The following MED13L variants were observed in gnomAD, a reference collection of about 807,000 sequenced individuals.
MED13L encodes mediator of RNA polymerase II transcription subunit 13-like.
A neutral mutation model predicts 220.9 loss-of-function variants in MED13L; 7 were observed. That is an observed-to-expected ratio of 0.03 (90% confidence interval 0.02 to 0.06). The LOEUF (loss-of-function observed/expected upper bound fraction) is 0.06, where lower values mean the gene tolerates loss of function less well. Among genes scored for constraint, MED13L ranks in the 10% least tolerant of loss-of-function variants. The pLI, the probability that MED13L is intolerant of heterozygous loss-of-function variation, is 1.00. For missense variants in MED13L, 1,965 were observed against 2,760.5 expected (o/e 0.71, Z 6.46); for synonymous variants, 1,011 against 1,015.2 (o/e 1.00, Z 0.08).
intron 1 of MED13L, among the ~76,000 whole-genome samples, chr12:116,274,883 C>A (rs1873683645): frequency 6.6e-6 from 1 of 151,714 alleles, no homozygotes; most frequent in East Asian, 1.9e-4. Flanking sequence ...CAAACACAAA[C>A]CTTTAGTCAT....
chr12:116,233,091 A>G (rs769585393), intron 2 of MED13L, among the ~76,000 whole-genome samples: 42 of 115,948 alleles, frequency 3.6e-4, no homozygotes, highest in Non-Finnish European at 5.3e-4. Context: ...TGTCTAAAGG[A>G]AAAAAAAAAA....
At chr12:116,010,119 C>A (rs760372755) in intron 9 of MED13L, among the ~76,000 whole-genome samples, 1 of 152,106 alleles carries the variant, frequency 6.6e-6, no homozygotes, top group Admixed American at 6.5e-5. Flanking sequence ...GGATGGCTGC[C>A]CTGCTCCATA....
intron 2 of MED13L, among the ~76,000 whole-genome samples, chr12:116,232,701 G>GCT (rs1365664756): frequency 3.9e-5 from 6 of 152,182 alleles, no homozygotes; most frequent in Non-Finnish European, 7.3e-5. Context: ...TTCTGTGCTT[G>GCT]CTCTCTGTAC....
chr12:115,969,176 CTA>C (rs1349100333), intron 27 of MED13L, 79 bp from the exon 28 acceptor site: 1 of 1,487,686 alleles, frequency 6.7e-7, no homozygotes, highest in Non-Finnish European at 9.2e-7. Flanking sequence ...CCAACCTAAC[CTA>C]TGTCATGTTT....
At chr12:116,010,961 C>G (rs1226665928) in intron 9 of MED13L, among the ~76,000 whole-genome samples, 2 of 151,540 alleles carry the variant, frequency 1.3e-5, no homozygotes, top group Non-Finnish European at 2.9e-5. Context: ...ACTGCAACCT[C>G]CGCCTCCCGG....
chr12:115,977,823 C>T (rs1228666276), intron 23 of MED13L, among the ~76,000 whole-genome samples: 1 of 151,962 alleles, frequency 6.6e-6, no homozygotes, highest in Admixed American at 6.6e-5. Flanking sequence ...ATAGCAAAAC[C>T]CCTATCAAAA....
chr12:115,972,250 T>C lies in MED13L; in HGVS notation c.5732-14A>G, dbSNP rs1461468652. The C allele has an allele frequency of 2.5e-6, 4 of 1,612,004 alleles. No homozygotes were observed. Among genetic ancestry groups the C allele is most frequent in the South Asian group, 1.1e-5 (1 of 91,056 alleles). ...GGATACTCCAATCTGAAATCAAATA[T>C]CGCAGTCATACACAGTCTTTAGAAA... On this transcript the variant is annotated splice_polypyrimidine_tract_variant and intron_variant, in intron 25 of 30. Coordinates refer to ENST00000281928, the MANE Select transcript of MED13L (RefSeq NM_015335.5).
chr12:116,122,704 A>C (rs982098471), intron 2 of MED13L, among the ~76,000 whole-genome samples: 2 of 152,200 alleles, frequency 1.3e-5, no homozygotes, highest in Admixed American at 1.3e-4. Context: ...AAATTTTAAC[A>C]GTGTACTATC....
At chr12:115,994,380 G>T (rs927551241) in intron 16 of MED13L, among the ~76,000 whole-genome samples, 65 of 152,228 alleles carry the variant, frequency 4.3e-4, no homozygotes, top group Non-Finnish European at 4.4e-4. Flanking sequence ...AGCCCAGGAG[G>T]TCAAGGCTGC....
intron 16 of MED13L, among the ~76,000 whole-genome samples, chr12:115,994,086 C>T (rs937505509): frequency 1.4e-4 from 22 of 152,150 alleles, no homozygotes; most frequent in African/African-American, 5.3e-4. Context: ...TCTCACTAGC[C>T]ACATTTCAAG....
intron 2 of MED13L, among the ~76,000 whole-genome samples, chr12:116,195,925 G>A (rs1881598211): frequency 1.3e-5 from 2 of 152,022 alleles, no homozygotes; most frequent in Admixed American, 1.3e-4. Flanking sequence ...CTGAGTAAGA[G>A]ATAAAATGTA....
In MED13L at chr12:115,983,420, T is replaced by C. The variant is rs777802661; in HGVS notation, c.4652A>G (p.Asn1551Ser). The C allele has an allele frequency of 6.2e-7, 1 of 1,614,162 alleles. No individual in the cohort carries two copies. Among genetic ancestry groups the C allele is most frequent in the Non-Finnish European group, 8.5e-7 (1 of 1,180,010 alleles). ...TPGNAGPLAP[N>S]GSAAPPAGSA... Reference sequence around the variant, plus strand: ...GCCAGCTGGGGGAGCTGCTGATCCATTTGGAGCTAAGGGCCCAGCATTCCC... The same window carrying C: ...GCCAGCTGGGGGAGCTGCTGATCCACTTGGAGCTAAGGGCCCAGCATTCCC... The change falls in exon 21 of 31, where the codon AAT (asparagine) becomes AGT (serine). Residue 1551 changes from asparagine to serine, a missense_variant. This residue lies in a region of MED13L where 510 missense variants were observed against 620.4 expected (regional missense o/e 0.82). Coordinates refer to ENST00000281928, the MANE Select transcript of MED13L (RefSeq NM_015335.5).
chr12:116,160,816 CCTCAGCCT>C (rs1878802949), intron 2 of MED13L, among the ~76,000 whole-genome samples: 1 of 151,024 alleles, frequency 6.6e-6, no homozygotes, highest in Admixed American at 6.6e-5. Flanking sequence ...GATCCTCCTG[CCTCAGCCT>C]CCCAATGTGC....
intron 4 of MED13L, among the ~76,000 whole-genome samples, chr12:116,040,141 T>C (rs1004640579): frequency 2.0e-5 from 3 of 152,322 alleles, no homozygotes; most frequent in African/African-American, 7.2e-5. Context: ...AAAATTGTGG[T>C]GTTTTTTTCC....
At chr12:116,186,572 G>A (rs1170296406) in intron 2 of MED13L, among the ~76,000 whole-genome samples, 1 of 152,132 alleles carries the variant, frequency 6.6e-6, no homozygotes, top group Non-Finnish European at 1.5e-5. Context: ...GTGACACTAA[G>A]TCCACTATAC....
At chr12:115,996,294 G>C (rs1176425442) in intron 16 of MED13L, among the ~76,000 whole-genome samples, 182 bp downstream of exon 16, 1 of 151,864 alleles carries the variant, frequency 6.6e-6, no homozygotes, top group Non-Finnish European at 1.5e-5. Context: ...GTTTCACCAT[G>C]TTGGCCAGGC....
At chr12:116,276,967 C>G in intron 1 of MED13L, 93 bp downstream of exon 1, 1 of 1,382,318 alleles carries the variant, frequency 7.2e-7, no homozygotes. Flanking sequence ...GGGCGAAGTC[C>G]CGGCGGCGGG....
intron 4 of MED13L, among the ~76,000 whole-genome samples, chr12:116,031,877 T>C (rs2137501129): frequency 6.6e-6 from 1 of 152,080 alleles, no homozygotes; most frequent in East Asian, 1.9e-4. Context: ...TTTTCTTGGA[T>C]TTCCTATGTA....
chr12:116,222,554 C>G (rs1297247283), intron 2 of MED13L, among the ~76,000 whole-genome samples: 1 of 152,166 alleles, frequency 6.6e-6, no homozygotes, highest in Admixed American at 6.5e-5. Context: ...CCAGGAAAGT[C>G]TGACTCACTA....
Sources: gnomAD v4.1 joint callset for allele counts (sites outside exome capture counted in the v4.1 genomes callset) on GRCh38, gnomAD v4.1.1 for gene constraint, gnomAD v4.1.1 regional missense constraint, MANE v1.5 for transcripts, NCBI Gene and HGNC (gene_info 2026-07-23, HGNC 2026-07-21) for gene names.